Variants in MYO5B observed in about 807,000 individuals in gnomAD.
MYO5B encodes the protein myosin VB, also known as unconventional myosin-Vb.
A neutral mutation model predicts 229.3 loss-of-function variants in MYO5B; 143 were observed. That is an observed-to-expected ratio of 0.62 (90% CI 0.54 to 0.72). The LOEUF is 0.72. Among genes scored for constraint, MYO5B ranks in the 30% least tolerant of loss-of-function variants. MYO5B has a pLI of 0.00. For missense variants in MYO5B, 2,321 were observed against 2,331.0 expected (o/e 1.00, Z 0.09); for synonymous variants, 918 against 885.2 (o/e 1.04, Z -0.66).
intron 5 of MYO5B, among the ~76,000 whole-genome samples, chr18:49,999,992 G>C (rs1008019169): frequency 6.6e-6 from 1 of 152,226 alleles, no homozygotes; most frequent in African/African-American, 2.4e-5. Context: ...ACTGAAACTT[G>C]CTTTTCAAAA....
chr18:49,899,832 C>T (rs1434649853), intron 21 of MYO5B, among the ~76,000 whole-genome samples: 2 of 152,218 alleles, frequency 1.3e-5, no homozygotes, highest in African/African-American at 2.4e-5. Context: ...TCTGATCACC[C>T]TCTACACACA....
At chr18:50,065,281 G>A (rs986548254) in intron 1 of MYO5B, among the ~76,000 whole-genome samples, 1 of 152,142 alleles carries the variant, frequency 6.6e-6, no homozygotes, top group African/African-American at 2.4e-5. Context: ...GGCACTGTGC[G>A]AGGTGCTGGG....
chr18:49,876,260 C>A, intron 25 of MYO5B: 1 of 280,286 alleles, frequency 3.6e-6, no homozygotes. Flanking sequence ...TGCTGTCAGC[C>A]ATCACTTGAT....
At chr18:50,135,981 T>C (rs2144278420) in intron 1 of MYO5B, among the ~76,000 whole-genome samples, 1 of 152,346 alleles carries the variant, frequency 6.6e-6, no homozygotes, top group Non-Finnish European at 1.5e-5. Flanking sequence ...TATCATCCTA[T>C]TTGACAGGTG....
intron 39 of MYO5B, among the ~76,000 whole-genome samples, chr18:49,831,172 A>C (rs2023915734): frequency 6.6e-6 from 1 of 152,156 alleles, no homozygotes; most frequent in South Asian, 2.1e-4. Context: ...ACTTAAAGGG[A>C]GCTAAATCTG....
chr18:49,906,280 GA>G, intron 19 of MYO5B, 138 bp downstream of exon 19: 1 of 844,138 alleles, frequency 1.2e-6, no homozygotes, highest in Non-Finnish European at 1.9e-6. Flanking sequence ...AGCTGCCGAG[GA>G]AAAGCCAAGA....
At chr18:49,931,118 T>C (rs1300545333) in intron 16 of MYO5B, among the ~76,000 whole-genome samples, 3 of 152,208 alleles carry the variant, frequency 2.0e-5, no homozygotes, top group Non-Finnish European at 4.4e-5. Context: ...GAGTCATGCT[T>C]CTTTTCCTCC....
intron 2 of MYO5B, among the ~76,000 whole-genome samples, chr18:50,049,811 G>A (rs1206704875): frequency 6.6e-6 from 1 of 151,998 alleles, no homozygotes; most frequent in African/African-American, 2.4e-5. Context: ...CCTAATCTAT[G>A]GGAAAAAAAT....
intron 26 of MYO5B, among the ~76,000 whole-genome samples, chr18:49,873,873 C>T (rs729640): frequency 0.011 from 1,715 of 152,300 alleles, 32 homozygotes; most frequent in African/African-American, 0.04. Flanking sequence ...CCCACCCTCA[C>T]AGCGCCTCAG....
chr18:50,142,831 T>C (rs757225715), intron 1 of MYO5B, among the ~76,000 whole-genome samples: 1 of 152,328 alleles, frequency 6.6e-6, no homozygotes, highest in East Asian at 1.9e-4. Flanking sequence ...CAAATTCAAG[T>C]GCACCGAGGC....
chr18:50,019,863 G>T (rs1383522169), intron 4 of MYO5B, among the ~76,000 whole-genome samples: 1 of 152,134 alleles, frequency 6.6e-6, no homozygotes, highest in East Asian at 1.9e-4. Flanking sequence ...AGCTGTCAAG[G>T]TCTCTGGCTG....
chr18:50,176,155 G>A (rs12970477), intron 1 of MYO5B, among the ~76,000 whole-genome samples: 59,054 of 152,058 alleles, frequency 0.39, 13,032 homozygotes, highest in Non-Finnish European at 0.5. Context: ...ATATTATCAC[G>A]GAATCACATC....
chr18:49,980,731 G>A (rs1388393088), intron 8 of MYO5B, among the ~76,000 whole-genome samples, 178 bp from the exon 9 acceptor site: 7 of 152,026 alleles, frequency 4.6e-5, no homozygotes, highest in African/African-American at 1.7e-4. Context: ...TAACAGCTCA[G>A]AGGGCAAAGG....
chr18:49,832,404 G>A (rs1375609966), intron 39 of MYO5B, among the ~76,000 whole-genome samples: 1 of 152,202 alleles, frequency 6.6e-6, no homozygotes, highest in African/African-American at 2.4e-5. Flanking sequence ...ATGAACTGCT[G>A]GTAGAAGCTG....
intron 5 of MYO5B, among the ~76,000 whole-genome samples, chr18:49,999,966 T>C (rs562820985): frequency 1.3e-5 from 2 of 152,232 alleles, no homozygotes; most frequent in Non-Finnish European, 2.9e-5. Flanking sequence ...ATTTCCCAAA[T>C]CTTGTAAGAA....
intron 16 of MYO5B, among the ~76,000 whole-genome samples, chr18:49,931,942 C>T (rs962104249): frequency 2.0e-5 from 3 of 152,224 alleles, no homozygotes; most frequent in African/African-American, 7.2e-5. Context: ...TTCCTCTGCT[C>T]AGCATGACCA....
At chr18:49,965,113 G>C (rs1053912875) in intron 10 of MYO5B, among the ~76,000 whole-genome samples, 1 of 152,228 alleles carries the variant, frequency 6.6e-6, no homozygotes, top group Admixed American at 6.5e-5. Flanking sequence ...TACTACAGTA[G>C]GAAGCCAGAA....
intron 1 of MYO5B, among the ~76,000 whole-genome samples, chr18:50,060,559 T>A (rs2030662497): frequency 6.6e-6 from 1 of 152,274 alleles, no homozygotes; most frequent in Non-Finnish European, 1.5e-5. Context: ...TCTGACCCAA[T>A]TATCAAAGAA....
intron 10 of MYO5B, among the ~76,000 whole-genome samples, 198 bp from the exon 11 acceptor site, chr18:49,963,228 A>T (rs919798992): frequency 1.3e-5 from 2 of 152,144 alleles, no homozygotes; most frequent in Admixed American, 1.3e-4. Flanking sequence ...CTATTTTCAA[A>T]ACTAGAAAAA....
Sources: gnomAD v4.1 joint callset for allele counts (sites outside exome capture counted in the v4.1 genomes callset) on GRCh38, gnomAD v4.1.1 for gene constraint, MANE v1.5 for transcripts, NCBI Gene and HGNC (gene_info 2026-07-23, HGNC 2026-07-21) for gene names.